The following ACAT1 variants were observed in gnomAD, a reference collection of about 807,000 sequenced individuals.
The protein encoded by ACAT1 is acetyl-CoA acetyltransferase, mitochondrial.
In ACAT1, 28 loss-of-function variants were observed where a neutral mutation model predicts 47.3. The ratio of observed to expected loss-of-function variants is 0.59; its 90% CI spans 0.44 to 0.81. The LOEUF is 0.81. ACAT1 is among the 30% of genes least tolerant of loss of function. The probability of loss-of-function intolerance (pLI) is 0.00; values close to 1 mark genes in which losing one functional copy is unlikely to be tolerated. For synonymous variants in ACAT1, 181 were observed against 173.6 expected (o/e 1.04, Z -0.34); for missense variants, 469 against 524.3 (o/e 0.89, Z 1.03).
At chr11:108,121,124 C>T (rs140088161), upstream of ACAT1, among the ~76,000 whole-genome samples, 460 of 151,804 alleles carry the variant, frequency 3.0e-3, 2 homozygotes, top group African/African-American at 0.011. Flanking sequence ...TCGCTTGAGC[C>T]CTGATGGTCG....
rs376661693 is a variant in ACAT1, at chr11:108,143,969, C to CT, written c.941-7dup. ...AAAGATTTTAACAACCCCCCCCCCCCTTTTTTTAAACAGCATTTGCTGACG... is the reference window on the plus strand; with the variant it reads ...AAAGATTTTAACAACCCCCCCCCCCCTTTTTTTTAAACAGCATTTGCTGACG... On this transcript the variant is annotated splice_polypyrimidine_tract_variant and intron_variant, in intron 9 of 11. Coordinates refer to ENST00000265838, the MANE Select transcript of ACAT1 (RefSeq NM_000019.4). The CT allele has an allele frequency of 8.8e-6, 6 of 685,186 alleles. No individual in the cohort carries two copies. Among genetic ancestry groups the CT allele is most frequent in the African/African-American group, 2.3e-5 (1 of 44,000 alleles). 42.4% of individuals were successfully genotyped at this position (685,186 alleles called of 1,614,324 possible).
intron 1 of ACAT1, among the ~76,000 whole-genome samples, chr11:108,122,305 A>T (rs1021987347): frequency 1.1e-4 from 16 of 152,258 alleles, no homozygotes; most frequent in African/African-American, 3.6e-4. Flanking sequence ...TGTTTAGGGA[A>T]CACAGCAGGG....
At chr11:108,141,721 C>T in intron 8 of ACAT1, 21 bp downstream of exon 8, 1 of 1,574,810 alleles carries the variant, frequency 6.3e-7, no homozygotes, top group Non-Finnish European at 8.7e-7. Context: ...AGAAATGAAG[C>T]ATAAGAAAAA....
chr11:108,119,043 C>T (rs1300279558), upstream of ACAT1, among the ~76,000 whole-genome samples: 2 of 152,196 alleles, frequency 1.3e-5, no homozygotes, highest in Admixed American at 6.5e-5. Flanking sequence ...CCAATTGCAA[C>T]TGTGTCACTA....
intron 5 of ACAT1, 102 bp downstream of exon 5, chr11:108,135,344 T>G (rs1232101423): frequency 1.1e-6 from 1 of 874,418 alleles, no homozygotes; most frequent in Non-Finnish European, 1.9e-6. Context: ...AGATTCTTTC[T>G]CATAAGTTAG....
chr11:108,127,301 G>C (rs1398253264), intron 1 of ACAT1, among the ~76,000 whole-genome samples: 17 of 145,812 alleles, frequency 1.2e-4, no homozygotes, highest in Non-Finnish European at 2.4e-4. Flanking sequence ...GTCTCACTCT[G>C]TCACCCAGGC....
In ACAT1 at chr11:108,143,935, T is replaced by TA. The variant is rs5794587; in HGVS notation, c.941-37dup. 0.35 allele frequency: 276,777 copies of TA among 782,660 alleles called. 28,097 individuals are homozygous for TA. The highest frequency in any genetic ancestry group is 0.56 in the East Asian group (13,393 of 24,062). The allele number at this position is 782,660 out of a possible 1,614,324, so 48.5% of individuals were successfully genotyped here. A position where few individuals can be genotyped will look rare whatever the true frequency, so the allele number is the denominator to read the frequency against. ...CTTGGCTTGTGCATATTCTATACAG[T>TA]AAAAAAAAAAAGATTTTAACAACCC... On this transcript the variant is annotated intron_variant, in intron 9 of 11. Coordinates refer to ENST00000265838, the MANE Select transcript of ACAT1 (RefSeq NM_000019.4).
intron 2 of ACAT1, 87 bp from the exon 3 acceptor site, chr11:108,133,733 G>GT (rs777222104): frequency 9.8e-6 from 11 of 1,124,258 alleles, no homozygotes; most frequent in Middle Eastern, 4.2e-4. Flanking sequence ...TCATAGAAGT[G>GT]TTTTTTTGAT....
At chr11:108,143,457 G>A (rs1257396421) in intron 9 of ACAT1, 1 of 152,254 alleles carries the variant, frequency 6.6e-6, no homozygotes, top group Admixed American at 6.5e-5. Context: ...TTAACTCTGT[G>A]GCCTTGGGCA....
At chr11:108,146,449 T>G in intron 11 of ACAT1, 90 bp downstream of exon 11, 1 of 1,469,828 alleles carries the variant, frequency 6.8e-7, no homozygotes. Flanking sequence ...CCATTGCTCT[T>G]AAGTTTTCCT....
intron 11 of ACAT1, 124 bp from the exon 12 acceptor site, chr11:108,147,146 G>T: frequency 8.9e-7 from 1 of 1,129,174 alleles, no homozygotes; most frequent in African/African-American, 1.5e-5. Context: ...TAGAATAGTA[G>T]TAGTTAATTC....
At chr11:108,141,358 A>T (rs1420566230) in intron 7 of ACAT1, among the ~76,000 whole-genome samples, 1 of 120,286 alleles carries the variant, frequency 8.3e-6, no homozygotes, top group Admixed American at 9.3e-5. Context: ...CAGGAGAGGG[A>T]AACCCTGCCT....
At chr11:108,120,312 C>T (rs1445250237), upstream of ACAT1, among the ~76,000 whole-genome samples, 2 of 152,142 alleles carry the variant, frequency 1.3e-5, no homozygotes, top group African/African-American at 2.4e-5. Flanking sequence ...GCCTGGGCAA[C>T]ATAGCAAGAC....
rs200394877 is a variant in ACAT1 at position 108,133,993 on chromosome 11, A to G, written c.238+56A>G. 386 of 1,492,484 alleles carry G rather than the reference A, an allele frequency of 2.6e-4. 1 individual carries two copies. Among genetic ancestry groups the G allele is most frequent in the Middle Eastern group, 8.6e-4 (5 of 5,828 alleles). The allele number at this position is 1,492,484 out of a possible 1,614,324, so 92.5% of individuals were successfully genotyped here. A position where few individuals can be genotyped will look rare whatever the true frequency, so the allele number is the denominator to read the frequency against. On this transcript the variant is annotated intron_variant, in intron 3 of 11. Coordinates refer to ENST00000265838, the MANE Select transcript of ACAT1 (RefSeq NM_000019.4). ...GGAGCAAAAAGATTCCATGGAAAAG[A>G]TATTTATTTTGCATTAACTATGTAT...
At chr11:108,140,404 G>A (rs2077562065) in intron 7 of ACAT1, among the ~76,000 whole-genome samples, 189 bp downstream of exon 7, 1 of 152,216 alleles carries the variant, frequency 6.6e-6, no homozygotes, top group Admixed American at 6.5e-5. Flanking sequence ...CCATTTATAA[G>A]ATCCCTGAGT....
intron 1 of ACAT1, among the ~76,000 whole-genome samples, chr11:108,131,348 C>G (rs1279235375): frequency 4.6e-5 from 1 of 21,858 alleles, no homozygotes; most frequent in East Asian, 4.2e-3. Context: ...TTAAGAAAGA[C>G]TTGGAATTTT....
intron 1 of ACAT1, chr11:108,122,026 T>A: frequency 2.5e-6 from 1 of 401,328 alleles, no homozygotes; most frequent in Non-Finnish European, 4.5e-6. Flanking sequence ...TTTGCAGGCC[T>A]GTGCAGCTGC....
At chr11:108,146,121 CTG>C (rs2077702419) in intron 10 of ACAT1, 79 bp from the exon 11 acceptor site, 3 of 1,180,250 alleles carry the variant, frequency 2.5e-6, no homozygotes, top group East Asian at 2.4e-5. Context: ...TTATGTCAAA[CTG>C]TAGTATTTCA....
chr11:108,119,482 C>T (rs1229120642), upstream of ACAT1, among the ~76,000 whole-genome samples: 6 of 152,156 alleles, frequency 3.9e-5, no homozygotes, highest in African/African-American at 1.2e-4. Context: ...TGATTACAGG[C>T]GTGAGCGACC....
Sources: allele counts gnomAD v4.1 joint callset (sites outside exome capture counted in the v4.1 genomes callset), GRCh38; gene constraint gnomAD v4.1.1; transcripts MANE v1.5; gene names NCBI Gene and HGNC (gene_info 2026-07-23, HGNC 2026-07-21).